DNAJB12: variants seen among roughly 807,000 people sequenced by gnomAD.
DNAJB12 encodes the protein DnaJ heat shock protein family (Hsp40) member B12, also known as dnaJ homolog subfamily B member 12.
In DNAJB12, 14 loss-of-function variants were observed where a neutral mutation model predicts 40.6. The observed-to-expected ratio is 0.34, with a 90% confidence interval of 0.23 to 0.54. DNAJB12 has a LOEUF of 0.54. DNAJB12 is among the 20% of genes least tolerant of loss of function. DNAJB12 has a pLI of 0.92. For synonymous variants in DNAJB12, 181 were observed against 199.5 expected, an observed-to-expected ratio of 0.91 and a Z score of 0.78; for missense variants, 444 against 501.7, an observed-to-expected ratio of 0.89 and a Z score of 1.10.
intron 1 of DNAJB12, among the ~76,000 whole-genome samples, chr10:72,346,206 C>T (rs1861783391): frequency 6.6e-6 from 1 of 152,090 alleles, no homozygotes; most frequent in South Asian, 2.1e-4. Flanking sequence ...CTCTGTTGCC[C>T]AGGCTGGAGT....
chr10:72,341,577 C>T (rs540792334), intron 3 of DNAJB12, among the ~76,000 whole-genome samples: 1 of 152,264 alleles, frequency 6.6e-6, no homozygotes, highest in African/African-American at 2.4e-5. Context: ...CTCAAGCGAT[C>T]CTCCCACCTC....
At chr10:72,341,309 T>A (rs1309867277) in intron 3 of DNAJB12, 139 bp from the exon 4 acceptor site, 1 of 822,698 alleles carries the variant, frequency 1.2e-6, no homozygotes, top group East Asian at 2.7e-5. Context: ...GCAGGAAGCT[T>A]GGCCAGTGTA....
chr10:72,349,105 A>G lies in DNAJB12; in HGVS notation c.134-3978T>C, dbSNP rs187309032. Among the ~76,000 whole-genome samples, 48 of 152,266 alleles carry G rather than the reference A, an allele frequency of 3.2e-4. 1 individual carries two copies. Among genetic ancestry groups the G allele is most frequent in the African/African-American group, 1.1e-3 (46 of 41,564 alleles). On this transcript the variant is annotated intron_variant, in intron 1 of 8. Coordinates refer to ENST00000444643, the MANE Select transcript of DNAJB12 (RefSeq NM_017626.7). ...GCATAGAAGAGACATCAAATTCAGA[A>G]AGGCCCAGATTCAAATCTCAGCTCT...
chr10:72,336,865 G>C, intron 6 of DNAJB12, 169 bp from the exon 7 acceptor site: 1 of 555,212 alleles, frequency 1.8e-6, no homozygotes, highest in Non-Finnish European at 3.1e-6. Flanking sequence ...CTGAGGAAAA[G>C]GCAGCGTCCT....
chr10:72,354,843 T>C lies in DNAJB12; in HGVS notation c.55A>G (p.Ile19Val). 2 of 1,614,114 alleles carry C rather than the reference T, an allele frequency of 1.2e-6. No homozygotes were observed. Among genetic ancestry groups the C allele is most frequent in the South Asian group, 2.2e-5 (2 of 91,082 alleles). ...GCCCGGTCGGGCTGGTTGCTCTGGA[T>C]GGCCTTGAGGGCGATGCTGATACAG... ...ERCISIALKA[I>V]QSNQPDRALR... Residue 19 changes from isoleucine (I) to valine (V), a missense_variant, in exon 1 of 9, where the codon ATC becomes GTC. Coordinates refer to ENST00000444643, the MANE Select transcript of DNAJB12 (RefSeq NM_017626.7).
At chr10:72,344,241 A>G (rs1250599445) in intron 2 of DNAJB12, among the ~76,000 whole-genome samples, 1 of 152,214 alleles carries the variant, frequency 6.6e-6, no homozygotes, top group African/African-American at 2.4e-5. Context: ...TCTATTGCCT[A>G]CAATGGACCT....
At chr10:72,348,859 CACAGCAGCCTTAGAA>C in intron 1 of DNAJB12, among the ~76,000 whole-genome samples, 1 of 152,288 alleles carries the variant, frequency 6.6e-6, no homozygotes, top group Admixed American at 6.5e-5. Flanking sequence ...ATTTAATTGT[CACAGCAGCCTTAGAA>C]GGAAGGTCTC....
intron 2 of DNAJB12, among the ~76,000 whole-genome samples, chr10:72,343,982 T>G (rs1374836304): frequency 6.6e-6 from 1 of 152,044 alleles, no homozygotes; most frequent in East Asian, 1.9e-4. Flanking sequence ...CTCAAACTCC[T>G]GGGCTCAAGG....
chr10:72,345,682 G>A (rs566184140), intron 1 of DNAJB12, among the ~76,000 whole-genome samples: 3 of 151,498 alleles, frequency 2.0e-5, no homozygotes, highest in East Asian at 1.9e-4. Context: ...TGACCAGCCC[G>A]GCCAACATGG....
At chr10:72,338,700 G>A (rs749395915) in intron 5 of DNAJB12, among the ~76,000 whole-genome samples, 5 of 152,140 alleles carry the variant, frequency 3.3e-5, no homozygotes, top group Admixed American at 2.6e-4. Context: ...CCAGTGTGGC[G>A]GCTCATGCCT....
At chr10:72,343,775 C>T (rs376671633) in intron 2 of DNAJB12, among the ~76,000 whole-genome samples, 34 of 152,064 alleles carry the variant, frequency 2.2e-4, no homozygotes, top group African/African-American at 6.0e-4. Context: ...CTGTGGGGTT[C>T]GCCAGGCCAG....
At chr10:72,354,721 C>T (rs375432448) in intron 1 of DNAJB12, 44 bp downstream of exon 1, 52 of 1,535,382 alleles carry the variant, frequency 3.4e-5, no homozygotes, top group Middle Eastern at 2.2e-4. Flanking sequence ...GTGTTCCCCC[C>T]ATCAGTTCTA....
chr10:72,353,957 A>G (rs1861996857), intron 1 of DNAJB12: 1 of 152,264 alleles, frequency 6.6e-6, no homozygotes, highest in South Asian at 2.1e-4. Flanking sequence ...TAAAGAAAAA[A>G]GAAAGGGTTC....
intron 3 of DNAJB12, among the ~76,000 whole-genome samples, chr10:72,342,198 C>T (rs971677439): frequency 6.6e-6 from 1 of 152,194 alleles, no homozygotes; most frequent in African/African-American, 2.4e-5. Context: ...CCGTTATTTC[C>T]TATCTGGGCC....
chr10:72,334,993 T>A, intron 8 of DNAJB12: 1 of 1,090,748 alleles, frequency 9.2e-7, no homozygotes. Flanking sequence ...GGAGGGAGCC[T>A]GCTACCAGCA....
chr10:72,334,590 A>AC lies in DNAJB12; in HGVS notation c.*57dup, dbSNP rs1861414638. ...CCATCACCTTGGCTCAGTGCATGTC[A>AC]CCAAAAATTCTCCAGGGATTTCATA... On this transcript the variant is annotated 3_prime_UTR_variant, in exon 9 of 9. Coordinates refer to ENST00000444643, the MANE Select transcript of DNAJB12 (RefSeq NM_017626.7). 1 of 1,533,090 alleles carries AC rather than the reference A, an allele frequency of 6.5e-7. No homozygotes were observed. Among genetic ancestry groups the AC allele is most frequent in the Non-Finnish European group, 8.7e-7 (1 of 1,146,200 alleles). The allele number at this position is 1,533,090 out of a possible 1,614,324, so 95.0% of individuals were successfully genotyped here. A position where few individuals can be genotyped will look rare whatever the true frequency, so the allele number is the denominator to read the frequency against.
rs919893541 is a variant in DNAJB12, at chr10:72,333,954, G to C, written c.*694C>G. The C allele has an allele frequency of 2.0e-5, 3 of 153,354 alleles. No homozygotes were observed. Among genetic ancestry groups the C allele is most frequent in the Non-Finnish European group, 2.9e-5 (2 of 68,536 alleles). 9.5% of individuals were successfully genotyped at this position (153,354 alleles called of 1,614,324 possible). On this transcript the variant is annotated 3_prime_UTR_variant, in exon 9 of 9. Coordinates refer to ENST00000444643, the MANE Select transcript of DNAJB12 (RefSeq NM_017626.7). ...AACCAGGCTGGGGTTTCGGGGGGCT[G>C]TGAAAAGCTCTGATGCGACTCTCCT... is the stretch of plus-strand genomic sequence containing the variant.
rs1001568066 is a variant in DNAJB12, at chr10:72,335,193, G to A, written c.*31-576C>T. ...GATCCCACCAGAGGGGGGTGGTCAG[G>A]GCCCGCGGCCCCTGCCGCCACCAAG... On this transcript the variant is annotated intron_variant, in intron 8 of 8. Transcript: ENST00000444643. This position sits in a 1 kb window ranked among gnomAD's most constrained non-coding sequence, Gnocchi z 4.4. 8 of 987,060 alleles carry A rather than the reference G, an allele frequency of 8.1e-6. No individual in the cohort carries two copies. The highest frequency in any genetic ancestry group is 1.0e-3 in the Middle Eastern group (2 of 1,918). 61.1% of individuals were successfully genotyped at this position (987,060 alleles called of 1,614,324 possible).
In DNAJB12 at chr10:72,335,020, C is replaced by T; in HGVS notation, c.*31-403G>A. On this transcript the variant is annotated intron_variant, in intron 8 of 8. Transcript: ENST00000444643. This position sits in a 1 kb window ranked among gnomAD's most constrained non-coding sequence, Gnocchi z 4.4. ...CTACCAGCAACTCTCATTTCCCCTC[C>T]ACCCCTCCTGTGCTGAGCGGCTGCG... 54 of 1,053,972 alleles carry T rather than the reference C, an allele frequency of 5.1e-5. No individual in the cohort carries two copies. The highest frequency in any genetic ancestry group is 6.2e-5 in the Non-Finnish European group (54 of 873,868). The allele number at this position is 1,053,972 out of a possible 1,614,324, so 65.3% of individuals were successfully genotyped here. A position where few individuals can be genotyped will look rare whatever the true frequency, so the allele number is the denominator to read the frequency against.
Sources: allele counts gnomAD v4.1 joint callset (sites outside exome capture counted in the v4.1 genomes callset), GRCh38; gene constraint gnomAD v4.1.1; non-coding constraint Gnocchi (gnomAD v3.1); transcripts MANE v1.5; gene names NCBI Gene and HGNC (gene_info 2026-07-23, HGNC 2026-07-21).